FAM167A: variants seen among roughly 807,000 people sequenced by gnomAD.
FAM167A encodes protein FAM167A.
A neutral mutation model predicts 14.9 loss-of-function variants in FAM167A; 23 were observed. That is an observed-to-expected ratio of 1.55 (90% CI 1.11 to 2.19). The LOEUF (loss-of-function observed/expected upper bound fraction) is 2.19. Ranked by LOEUF, FAM167A falls within the 30% of genes most tolerant of loss-of-function variation. The pLI, the probability that FAM167A is intolerant of heterozygous loss-of-function variation, is 0.00. For missense variants in FAM167A, 401 were observed against 281.5 expected (o/e 1.42, Z -3.04); for synonymous variants, 174 against 117.7 (o/e 1.48, Z -3.10).
chr8:11,460,292 G>A lies in FAM167A; in HGVS notation c.-398+6334C>T, dbSNP rs549152123. ...GAGCGGGAGAAACATTTTGGACAGAGCCAGCCTGGTGTGGAAGAGAAAAGA... is the reference window on the plus strand; with the variant it reads ...GAGCGGGAGAAACATTTTGGACAGAACCAGCCTGGTGTGGAAGAGAAAAGA... On this transcript the variant is annotated intron_variant, in intron 1 of 2. Coordinates refer to ENST00000284486, the MANE Select transcript of FAM167A (RefSeq NM_053279.3). 1.8e-3 allele frequency among the ~76,000 whole-genome samples: 275 copies of A among 152,352 alleles called. 2 individuals are homozygous for A. The highest frequency in any genetic ancestry group is 6.3e-3 in the African/African-American group (264 of 41,588).
intron 1 of FAM167A, among the ~76,000 whole-genome samples, chr8:11,474,369 A>T (rs541661933): frequency 1.3e-5 from 2 of 152,288 alleles, no homozygotes; most frequent in African/African-American, 4.8e-5. Flanking sequence ...TTGGAACCTG[A>T]CACCAGCAAA....
Position 11,430,719 on chromosome 8 carries a change from T to A in FAM167A, c.382-6083A>T, listed in dbSNP as rs554962007. Among the ~76,000 whole-genome samples the A allele has an allele frequency of 5.3e-5, 8 of 152,164 alleles. 1 individual carries two copies. The highest frequency in any genetic ancestry group is 1.9e-4 in the African/African-American group (8 of 41,516). On this transcript the variant is annotated intron_variant, in intron 2 of 2. Transcript: ENST00000284486. Reference sequence around the variant, plus strand: ...ATGGGTCTGGAAGAGGACAGAGATTTCCTTACTTCCAAGCTTTACGTGGTG... The same window carrying A: ...ATGGGTCTGGAAGAGGACAGAGATTACCTTACTTCCAAGCTTTACGTGGTG...
At position 11,448,857 on chromosome 8, in the gene FAM167A, C is replaced by A. The variant is rs114806529; in HGVS notation, c.-397-4049G>T. Among the ~76,000 whole-genome samples, 1,144 of 152,322 alleles carry A rather than the reference C, an allele frequency of 7.5e-3. 19 individuals are homozygous for A. Among genetic ancestry groups the A allele is most frequent in the African/African-American group, 0.027 (1,104 of 41,564 alleles). ...CCAGCACTGCTGACAAGCCGAGCACCCAGGCTCAGTCCTTTCCTCGTGGCC... is the reference window on the plus strand; with the variant it reads ...CCAGCACTGCTGACAAGCCGAGCACACAGGCTCAGTCCTTTCCTCGTGGCC... On this transcript the variant is annotated intron_variant, in intron 1 of 2. Transcript: ENST00000284486.
chr8:11,436,517 A>T (rs965565160), intron 2 of FAM167A, among the ~76,000 whole-genome samples: 1 of 152,166 alleles, frequency 6.6e-6, no homozygotes, highest in African/African-American at 2.4e-5. Context: ...CAGTCGGCGG[A>T]GGGAGAGAAG....
intron 1 of FAM167A, among the ~76,000 whole-genome samples, chr8:11,459,979 C>T (rs182162172): frequency 1.1e-4 from 17 of 152,300 alleles, no homozygotes; most frequent in African/African-American, 3.4e-4. Flanking sequence ...CTGCCTGCCT[C>T]GGCCTCCCAA....
intron 2 of FAM167A, among the ~76,000 whole-genome samples, chr8:11,442,844 C>CGGTA (rs1563374149): frequency 6.6e-6 from 1 of 152,178 alleles, no homozygotes; most frequent in African/African-American, 2.4e-5. Flanking sequence ...GAAGCACTCT[C>CGGTA]GGTATCAAGT....
chr8:11,427,004 T>G (rs1319985667), intron 2 of FAM167A, among the ~76,000 whole-genome samples: 1 of 152,158 alleles, frequency 6.6e-6, no homozygotes, highest in Non-Finnish European at 1.5e-5. Context: ...CAGAACTGTT[T>G]TAGGGTACAG....
At chr8:11,462,818 C>A (rs1807592548) in intron 1 of FAM167A, among the ~76,000 whole-genome samples, 1 of 152,228 alleles carries the variant, frequency 6.6e-6, no homozygotes, top group African/African-American at 2.4e-5. Flanking sequence ...CAGGGACAGG[C>A]ACTTCAGCGT....
At chr8:11,440,451 C>A (rs1172081569) in intron 2 of FAM167A, among the ~76,000 whole-genome samples, 1 of 152,226 alleles carries the variant, frequency 6.6e-6, no homozygotes, top group Non-Finnish European at 1.5e-5. Flanking sequence ...TTAGGATCCT[C>A]CCAGCCTCAG....
chr8:11,446,912 G>C (rs918826756), intron 1 of FAM167A, among the ~76,000 whole-genome samples: 1 of 152,204 alleles, frequency 6.6e-6, no homozygotes, highest in Non-Finnish European at 1.5e-5. Context: ...CCCTGGCAGG[G>C]GAGCTCTGAT....
intron 2 of FAM167A, among the ~76,000 whole-genome samples, chr8:11,433,170 A>G (rs966767116): frequency 3.9e-5 from 6 of 152,142 alleles, no homozygotes; most frequent in African/African-American, 1.2e-4. Context: ...AAATCTGCAC[A>G]TTCTGCACAT....
At position 11,423,359 on chromosome 8, in the gene FAM167A, C is replaced by G. The variant is rs1289632991; in HGVS notation, c.*1014G>C. Reference sequence around the variant, plus strand: ...GTGGCTTCCGCATTTGGACAAAAATCAGTTACTAACAAGTGAACAACACAT... The same window carrying G: ...GTGGCTTCCGCATTTGGACAAAAATGAGTTACTAACAAGTGAACAACACAT... On this transcript the variant is annotated 3_prime_UTR_variant, in exon 3 of 3. Transcript: ENST00000284486. The G allele has an allele frequency of 6.6e-6, 1 of 152,620 alleles. No individual in the cohort carries two copies. Among genetic ancestry groups the G allele is most frequent in the Admixed American group, 6.5e-5 (1 of 15,278 alleles). 9.5% of individuals were successfully genotyped at this position (152,620 alleles called of 1,614,324 possible). A position where few individuals can be genotyped will look rare whatever the true frequency, so the allele number is the denominator to read the frequency against.
chr8:11,434,799 G>T (rs766008669), intron 2 of FAM167A: 155 of 342,186 alleles, frequency 4.5e-4, no homozygotes, highest in Admixed American at 1.9e-3. Context: ...ACAGAGAGAG[G>T]ATGCTGATCA....
chr8:11,475,043 A>C (rs1172579970), intron 1 of FAM167A, among the ~76,000 whole-genome samples: 3 of 152,154 alleles, frequency 2.0e-5, no homozygotes, highest in African/African-American at 7.2e-5. Context: ...CTGTCAGAAT[A>C]AACAAATGAG....
intron 2 of FAM167A, chr8:11,434,730 C>A (rs894057606): frequency 1.2e-5 from 3 of 245,560 alleles, no homozygotes; most frequent in Non-Finnish European, 2.4e-5. Flanking sequence ...GCTCTGGGTT[C>A]CAGTCCTAGT....
At chr8:11,440,011 C>T (rs970230503) in intron 2 of FAM167A, among the ~76,000 whole-genome samples, 1 of 152,132 alleles carries the variant, frequency 6.6e-6, no homozygotes, top group African/African-American at 2.4e-5. Flanking sequence ...TTCCTAGCTC[C>T]CCTACTTCCT....
chr8:11,425,001 T>C (rs1585223140), intron 2 of FAM167A, among the ~76,000 whole-genome samples: 1 of 152,198 alleles, frequency 6.6e-6, no homozygotes, highest in Non-Finnish European at 1.5e-5. Flanking sequence ...AGGAGGATGG[T>C]TGCCTCTAGG....
At chr8:11,458,746 A>G (rs546528749) in intron 1 of FAM167A, among the ~76,000 whole-genome samples, 75 of 152,256 alleles carry the variant, frequency 4.9e-4, no homozygotes, top group African/African-American at 1.8e-3. Flanking sequence ...GCCCGTCTGT[A>G]GTAAAAAGGG....
At position 11,438,440 on chromosome 8, in the gene FAM167A, T is replaced by C. The variant is rs766479694; in HGVS notation, c.381+5591A>G. On this transcript the variant is annotated intron_variant, in intron 2 of 2. Transcript: ENST00000284486. Reference sequence around the variant, plus strand: ...CTTACTTTTATTTTATTCTAGGAGATTCTATGCTACAGAAGTACAAGGTGA... The same window carrying C: ...CTTACTTTTATTTTATTCTAGGAGACTCTATGCTACAGAAGTACAAGGTGA... 3 of 456,474 alleles carry C rather than the reference T, an allele frequency of 6.6e-6. No homozygotes were observed. In the Admixed American group the frequency reaches 7.1e-5, roughly 11 times the overall value. The allele number at this position is 456,474 out of a possible 1,614,324, so 28.3% of individuals were successfully genotyped here.
Sources: gnomAD v4.1 joint callset for allele counts (sites outside exome capture counted in the v4.1 genomes callset) on GRCh38, gnomAD v4.1.1 for gene constraint, MANE v1.5 for transcripts, NCBI Gene and HGNC (gene_info 2026-07-23, HGNC 2026-07-21) for gene names.